The following GPM6A variants were observed in gnomAD, a reference collection of about 807,000 sequenced individuals.
The protein encoded by GPM6A is glycoprotein M6A, also known as neuronal membrane glycoprotein M6-a.
Under a neutral mutation model 32.1 loss-of-function variants are expected in GPM6A, and 7 were observed. The observed-to-expected ratio is 0.22, with a 90% confidence interval of 0.12 to 0.41. GPM6A has a LOEUF of 0.41. Among genes scored for constraint, GPM6A ranks in the 10% least tolerant of loss-of-function variants. GPM6A has a pLI of 1.00. For synonymous variants in GPM6A, 130 were observed against 123.4 expected, an observed-to-expected ratio of 1.05 and a Z score of -0.35; for missense variants, 235 against 347.2, an observed-to-expected ratio of 0.68 and a Z score of 2.57.
intron 1 of GPM6A, among the ~76,000 whole-genome samples, chr4:175,724,838 ATGT>A (rs1488415597): frequency 1.3e-5 from 2 of 151,980 alleles, no homozygotes; most frequent in Middle Eastern, 3.2e-3. Flanking sequence ...ACCGTGCATG[ATGT>A]TGTCCCTCAT....
chr4:175,820,076 TATC>T (rs1250271141), intron 1 of GPM6A, among the ~76,000 whole-genome samples: 1 of 152,206 alleles, frequency 6.6e-6, no homozygotes, highest in African/African-American at 2.4e-5. Flanking sequence ...CAAATGCAAT[TATC>T]ATCTAAGCGG....
chr4:175,706,564 T>C (rs1264619481), intron 1 of GPM6A, among the ~76,000 whole-genome samples: 3 of 152,346 alleles, frequency 2.0e-5, no homozygotes, highest in Non-Finnish European at 2.9e-5. Flanking sequence ...AGGCGGCTGA[T>C]TGCTCTTCTC....
At chr4:175,828,445 C>A (rs1229074220) in intron 1 of GPM6A, among the ~76,000 whole-genome samples, 1 of 152,124 alleles carries the variant, frequency 6.6e-6, no homozygotes, top group African/African-American at 2.4e-5. Context: ...TAGAAAAAAA[C>A]TAAGAAGATG....
intron 1 of GPM6A, among the ~76,000 whole-genome samples, chr4:175,964,700 T>C (rs1740279467): frequency 6.6e-6 from 1 of 152,164 alleles, no homozygotes. Context: ...TCTCTCCAAA[T>C]ACAGACACAT....
intron 1 of GPM6A, among the ~76,000 whole-genome samples, chr4:175,716,088 G>C (rs561473384): frequency 6.6e-6 from 1 of 152,120 alleles, no homozygotes; most frequent in Non-Finnish European, 1.5e-5. Flanking sequence ...TTTGTATTTT[G>C]TTCATTTCTG....
intron 1 of GPM6A, among the ~76,000 whole-genome samples, chr4:175,741,202 C>T (rs923265888): frequency 6.6e-6 from 1 of 151,934 alleles, no homozygotes; most frequent in Non-Finnish European, 1.5e-5. Context: ...AACACAATAC[C>T]ACACATAAGA....
intron 3 of GPM6A, 117 bp from the exon 4 acceptor site, chr4:175,652,104 T>C (rs956374822): frequency 1.5e-6 from 1 of 650,944 alleles, no homozygotes. Context: ...CATAAGTCAG[T>C]ATCACAACAC....
intron 1 of GPM6A, among the ~76,000 whole-genome samples, chr4:175,797,152 A>G (rs1734265714): frequency 6.6e-6 from 1 of 152,208 alleles, no homozygotes; most frequent in South Asian, 2.1e-4. Context: ...AAATAATGCC[A>G]GAAACCAAAT....
At chr4:175,901,411 T>C (rs1225558105) in intron 1 of GPM6A, among the ~76,000 whole-genome samples, 2 of 151,814 alleles carry the variant, frequency 1.3e-5, no homozygotes, top group Non-Finnish European at 2.9e-5. Flanking sequence ...ACCCCATAAA[T>C]ACATACACCT....
At chr4:175,672,784 T>G (rs1474122652) in intron 3 of GPM6A, among the ~76,000 whole-genome samples, 1 of 152,190 alleles carries the variant, frequency 6.6e-6, no homozygotes. Context: ...CAGAGACCAC[T>G]ACAAATACCC....
chr4:175,978,384 C>T (rs575120488), intron 1 of GPM6A, among the ~76,000 whole-genome samples: 4 of 152,228 alleles, frequency 2.6e-5, no homozygotes, highest in African/African-American at 9.6e-5. Flanking sequence ...CTCCCTTCCT[C>T]GACAGGTGGG....
At chr4:175,679,833 G>C (rs1173389226) in intron 2 of GPM6A, among the ~76,000 whole-genome samples, 1 of 152,104 alleles carries the variant, frequency 6.6e-6, no homozygotes, top group Non-Finnish European at 1.5e-5. Context: ...GCTGGTTCTT[G>C]TATCTTTGTG....
intron 1 of GPM6A, among the ~76,000 whole-genome samples, chr4:175,983,713 T>C (rs1446630434): frequency 2.6e-5 from 4 of 152,210 alleles, no homozygotes; most frequent in Non-Finnish European, 5.9e-5. Flanking sequence ...TTTGCATCTA[T>C]GCTCCTGAGA....
At chr4:175,905,369 GT>G (rs1172929849) in intron 1 of GPM6A, among the ~76,000 whole-genome samples, 6 of 151,816 alleles carry the variant, frequency 4.0e-5, no homozygotes, top group Non-Finnish European at 7.4e-5. Context: ...AAGGTTCTAA[GT>G]TTTTTTGTGA....
At position 175,784,271 on chromosome 4, in the gene GPM6A, A is replaced by G. The variant is rs140602933; in HGVS notation, c.37+27920T>C. Reference sequence around the variant, plus strand: ...AAAATACATGACTAGTATTCTTCAAAAGTGTCAGGTCATGTAAAACAAAGA... The same window carrying G: ...AAAATACATGACTAGTATTCTTCAAGAGTGTCAGGTCATGTAAAACAAAGA... On this transcript the variant is annotated intron_variant, in intron 1 of 6. Coordinates refer to ENST00000393658, the MANE Select transcript of GPM6A (RefSeq NM_201591.3). 3.4e-3 allele frequency among the ~76,000 whole-genome samples: 514 copies of G among 152,238 alleles called. 2 individuals carry two copies. Among genetic ancestry groups the G allele is most frequent in the Non-Finnish European group, 6.3e-3 (425 of 67,968 alleles).
Position 175,762,152 on chromosome 4 carries a change from T to C in GPM6A, c.37+50039A>G, listed in dbSNP as rs370649644. ...AGTTCTTCAGATGCAAGTGTCCTCGTCTAATGTGCTTTGAATTCCCTTGGT... is the reference window on the plus strand; with the variant it reads ...AGTTCTTCAGATGCAAGTGTCCTCGCCTAATGTGCTTTGAATTCCCTTGGT... On this transcript the variant is annotated intron_variant, in intron 1 of 6. Transcript: ENST00000393658. 7.2e-5 allele frequency among the ~76,000 whole-genome samples: 11 copies of C among 152,302 alleles called. No homozygotes were observed. In the East Asian group the frequency reaches 1.5e-3, roughly 21 times the overall value.
At chr4:175,992,073 C>CACAT (rs1741167176) in intron 1 of GPM6A, among the ~76,000 whole-genome samples, 1 of 151,738 alleles carries the variant, frequency 6.6e-6, no homozygotes, top group Non-Finnish European at 1.5e-5. Flanking sequence ...CACACACACA[C>CACAT]ACACACACAC....
intron 1 of GPM6A, among the ~76,000 whole-genome samples, chr4:175,847,431 C>T (rs769741987): frequency 3.3e-5 from 5 of 152,142 alleles, no homozygotes; most frequent in Non-Finnish European, 7.4e-5. Flanking sequence ...CTTGCACCTT[C>T]TTATTCCATT....
chr4:175,975,806 T>G (rs934881037), intron 1 of GPM6A, among the ~76,000 whole-genome samples: 2 of 152,154 alleles, frequency 1.3e-5, no homozygotes, highest in African/African-American at 4.8e-5. Flanking sequence ...AGTGTGAAAA[T>G]TAGTTTATTA....
Sources: gnomAD v4.1 joint callset for allele counts (sites outside exome capture counted in the v4.1 genomes callset) on GRCh38, gnomAD v4.1.1 for gene constraint, MANE v1.5 for transcripts, NCBI Gene and HGNC (gene_info 2026-07-23, HGNC 2026-07-21) for gene names.